Variants in JAKMIP1 observed in about 807,000 individuals in gnomAD.
JAKMIP1 encodes the protein janus kinase and microtubule interacting protein 1.
In JAKMIP1, 33 loss-of-function variants were observed where a neutral mutation model predicts 113.0. The ratio of observed to expected loss-of-function variants is 0.29; its 90% CI spans 0.22 to 0.39. The LOEUF (loss-of-function observed/expected upper bound fraction) is 0.39. Ranked by LOEUF, JAKMIP1 falls within the 10% of genes least tolerant of loss-of-function variation. The probability of loss-of-function intolerance (pLI) is 1.00; values close to 1 mark genes in which losing one functional copy is unlikely to be tolerated. For synonymous variants in JAKMIP1, 480 were observed against 459.9 expected, an observed-to-expected ratio of 1.04 and a Z score of -0.56; for missense variants, 813 against 1,080.5, an observed-to-expected ratio of 0.75 and a Z score of 3.47.
Position 6,064,018 on chromosome 4 carries a change from C to A in JAKMIP1, c.1431+862G>T, listed in dbSNP as rs1273732034. On this transcript the variant is annotated intron_variant, in intron 9 of 20. Transcript: ENST00000409021. This position sits in a 1 kb window ranked among gnomAD's most constrained non-coding sequence, Gnocchi z 4.3. ...CCAGCTGCCCCGGCATATCCGCACC[C>A]CCTTCCCACTCTTGCTCTTCCCTGG... Among the ~76,000 whole-genome samples, 1 of 152,242 alleles carries A rather than the reference C, an allele frequency of 6.6e-6. No individual in the cohort carries two copies. Among genetic ancestry groups the A allele is most frequent in the African/African-American group, 2.4e-5 (1 of 41,476 alleles).
At position 6,183,642 on chromosome 4, in the gene JAKMIP1, C is replaced by G. The variant is rs1281328397; in HGVS notation, c.-148+16611G>C. 1.3e-5 allele frequency among the ~76,000 whole-genome samples: 2 copies of G among 152,006 alleles called. No homozygotes were observed. The highest frequency in any genetic ancestry group is 2.9e-5 in the Non-Finnish European group (2 of 67,988). On this transcript the variant is annotated intron_variant, in intron 1 of 20. Coordinates refer to ENST00000409021, the MANE Select transcript of JAKMIP1 (RefSeq NM_001099433.2). The surrounding 1 kb of genome is among the most constrained non-coding windows in gnomAD (Gnocchi z 5.3). The stretch of plus-strand genomic sequence containing the variant: ...AGGGCCAGGAGTCAAAGGTCTGGAG[C>G]AACAGATGCTTGACTTCTTTTTTCT...
chr4:6,161,971 G>A (rs1723024324), intron 1 of JAKMIP1, among the ~76,000 whole-genome samples: 1 of 152,180 alleles, frequency 6.6e-6, no homozygotes, highest in Non-Finnish European at 1.5e-5. Flanking sequence ...GGAATAGGTG[G>A]GATCAAAGTT....
intron 12 of JAKMIP1, among the ~76,000 whole-genome samples, chr4:6,056,396 A>T (rs1716467348): frequency 6.6e-6 from 1 of 151,416 alleles, no homozygotes; most frequent in Non-Finnish European, 1.5e-5. Flanking sequence ...GGTTGGGGCC[A>T]GCCCTCCCCA....
chr4:6,055,635 A>T (rs116230058), intron 12 of JAKMIP1, among the ~76,000 whole-genome samples: 1,636 of 152,346 alleles, frequency 0.011, 34 homozygotes, highest in African/African-American at 0.034. Context: ...TGTCAGGAAG[A>T]TGGACCAGCC....
chr4:6,196,653 G>A (rs1365805871), intron 1 of JAKMIP1, among the ~76,000 whole-genome samples: 1 of 152,200 alleles, frequency 6.6e-6, no homozygotes, highest in East Asian at 1.9e-4. Context: ...GAGGTCAGGA[G>A]TTTGAGACCA....
chr4:6,046,546 C>T (rs1032046059), intron 16 of JAKMIP1, among the ~76,000 whole-genome samples: 1 of 151,346 alleles, frequency 6.6e-6, no homozygotes, highest in Non-Finnish European at 1.5e-5. Context: ...CCAGGCTGAC[C>T]AGCTTGGGGA....
In JAKMIP1 at chr4:6,141,309, A is replaced by G. The variant is rs1720118474; in HGVS notation, c.-147-28312T>C. ...AAATTAGCCAGGGGTGGTGGCGCGC[A>G]TCTGTAATCCCAGCTACTTGACAGG... is the stretch of plus-strand genomic sequence containing the variant. On this transcript the variant is annotated intron_variant, in intron 1 of 20. Transcript: ENST00000409021. The surrounding 1 kb of genome is among the most constrained non-coding windows in gnomAD (Gnocchi z 9.4). Among the ~76,000 whole-genome samples, 1 of 151,994 alleles carries G rather than the reference A, an allele frequency of 6.6e-6. No homozygotes were observed. The highest frequency in any genetic ancestry group is 2.4e-5 in the African/African-American group (1 of 41,334).
In JAKMIP1 at chr4:6,154,272, T is replaced by C. The variant is rs7686992; in HGVS notation, c.-147-41275A>G. 0.041 allele frequency among the ~76,000 whole-genome samples: 6,300 copies of C among 152,154 alleles called. 469 individuals are homozygous for C. Among genetic ancestry groups the C allele is most frequent in the African/African-American group, 0.14 (5,927 of 41,488 alleles). Reference sequence around the variant, plus strand: ...TGCACTGGGGAGAGTTGCTCCTATTTTAGGCCATTGAACTACTTTAATAAT... The same window carrying C: ...TGCACTGGGGAGAGTTGCTCCTATTCTAGGCCATTGAACTACTTTAATAAT... On this transcript the variant is annotated intron_variant, in intron 1 of 20. Coordinates refer to ENST00000409021, the MANE Select transcript of JAKMIP1 (RefSeq NM_001099433.2). This position sits in a 1 kb window ranked among gnomAD's most constrained non-coding sequence, Gnocchi z 4.2.
intron 16 of JAKMIP1, among the ~76,000 whole-genome samples, chr4:6,046,682 G>A (rs2108762897): frequency 6.6e-6 from 1 of 152,300 alleles, no homozygotes. Flanking sequence ...TCCCAGACAG[G>A]TTCCACCTCC....
At chr4:6,182,235 C>G (rs11946920) in intron 1 of JAKMIP1, among the ~76,000 whole-genome samples, 2,691 of 151,618 alleles carry the variant, frequency 0.018, 38 homozygotes, top group African/African-American at 0.033. Context: ...CATAATGAGA[C>G]CTCATCTCTA....
chr4:6,117,999 T>C (rs1716087668), intron 1 of JAKMIP1, among the ~76,000 whole-genome samples: 1 of 152,212 alleles, frequency 6.6e-6, no homozygotes, highest in South Asian at 2.1e-4. Context: ...AACGCAATTA[T>C]TACAGGGTCC....
In JAKMIP1 at chr4:6,143,325, C is replaced by T. The variant is rs540755642; in HGVS notation, c.-147-30328G>A. On this transcript the variant is annotated intron_variant, in intron 1 of 20. Coordinates refer to ENST00000409021, the MANE Select transcript of JAKMIP1 (RefSeq NM_001099433.2). This position sits in a 1 kb window ranked among gnomAD's most constrained non-coding sequence, Gnocchi z 4.9. ...TCCTGACTTCCTGTCTGAATCTCAGCCAATTCTGGGATCTGGGTGTGGGAA... is the reference window on the plus strand; with the variant it reads ...TCCTGACTTCCTGTCTGAATCTCAGTCAATTCTGGGATCTGGGTGTGGGAA... Among the ~76,000 whole-genome samples the T allele has an allele frequency of 1.3e-5, 2 of 152,304 alleles. No homozygotes were observed. Among genetic ancestry groups the T allele is most frequent in the East Asian group, 3.9e-4 (2 of 5,180 alleles).
rs142095893 is a variant in JAKMIP1 at position 6,174,570 on chromosome 4, G to A, written c.-148+25683C>T. Among the ~76,000 whole-genome samples the A allele has an allele frequency of 3.2e-3, 482 of 152,302 alleles. 6 individuals carry two copies. The highest frequency in any genetic ancestry group is 0.011 in the African/African-American group (459 of 41,560). The stretch of plus-strand genomic sequence containing the variant: ...CCAGGGTGCAGAAGAACAGGCCTGG[G>A]CTCGCAGCTCTCAACCTGCTGGGTC... On this transcript the variant is annotated intron_variant, in intron 1 of 20. Transcript: ENST00000409021.
In JAKMIP1 at chr4:6,189,237, A is replaced by T. The variant is rs143341818; in HGVS notation, c.-148+11016T>A. Reference sequence around the variant, plus strand: ...TTCTAACATTTTTCTGCTGCCTTAAACTAAAAGCAGGCTGCACCGTAAGGT... The same window carrying T: ...TTCTAACATTTTTCTGCTGCCTTAATCTAAAAGCAGGCTGCACCGTAAGGT... On this transcript the variant is annotated intron_variant, in intron 1 of 20. Transcript: ENST00000409021. Among the ~76,000 whole-genome samples the T allele has an allele frequency of 8.5e-5, 13 of 152,372 alleles. No homozygotes were observed. In the East Asian group the frequency reaches 2.3e-3, roughly 27 times the overall value.
In JAKMIP1 at chr4:6,049,067, A is replaced by G; in HGVS notation, c.1963-145T>C. ...TTTTGAGACGGAGTCTCTCTCTGTCACCTGGGTTTGAGTGCAGTGGTGTGA... is the reference window on the plus strand; with the variant it reads ...TTTTGAGACGGAGTCTCTCTCTGTCGCCTGGGTTTGAGTGCAGTGGTGTGA... On this transcript the variant is annotated intron_variant, in intron 15 of 20. Coordinates refer to ENST00000409021, the MANE Select transcript of JAKMIP1 (RefSeq NM_001099433.2). The surrounding 1 kb of genome is among the most constrained non-coding windows in gnomAD (Gnocchi z 7.0). 1.5e-6 allele frequency: 1 copy of G among 661,216 alleles called. No homozygotes were observed. Among genetic ancestry groups the G allele is most frequent in the Non-Finnish European group, 2.7e-6 (1 of 375,790 alleles). The allele number at this position is 661,216 out of a possible 1,614,324, so 41.0% of individuals were successfully genotyped here. A position where few individuals can be genotyped will look rare whatever the true frequency, so the allele number is the denominator to read the frequency against.
intron 1 of JAKMIP1, among the ~76,000 whole-genome samples, chr4:6,173,224 A>G (rs2109026588): frequency 1.3e-5 from 2 of 152,318 alleles, no homozygotes; most frequent in South Asian, 4.1e-4. Flanking sequence ...TCTTTTCTCT[A>G]ATTGAATAGT....
In JAKMIP1 at chr4:6,183,512, A is replaced by AATTAATTAATTAATTTT. The variant is rs1560341022; in HGVS notation, c.-148+16740_-148+16741insAAAATTAATTAATTAAT. Among the ~76,000 whole-genome samples, 3 of 151,734 alleles carry AATTAATTAATTAATTTT rather than the reference A, an allele frequency of 2.0e-5. No individual in the cohort carries two copies. Among genetic ancestry groups the AATTAATTAATTAATTTT allele is most frequent in the African/African-American group, 7.2e-5 (3 of 41,402 alleles). On this transcript the variant is annotated intron_variant, in intron 1 of 20. Coordinates refer to ENST00000409021, the MANE Select transcript of JAKMIP1 (RefSeq NM_001099433.2). The surrounding 1 kb of genome is among the most constrained non-coding windows in gnomAD (Gnocchi z 5.3). ...AATAAATAAATAAATAAATAAATTT[A>AATTAATTAATTAATTTT]AAAAAGAAAGTAAAATGGAACAGAA... is the stretch of plus-strand genomic sequence containing the variant.
chr4:6,164,970 A>C (rs1723435171), intron 1 of JAKMIP1, among the ~76,000 whole-genome samples: 1 of 152,266 alleles, frequency 6.6e-6, no homozygotes, highest in African/African-American at 2.4e-5. Context: ...AATTTAAAGT[A>C]TGATCTAAAC....
At chr4:6,066,058 C>T (rs1718034050) in intron 8 of JAKMIP1, among the ~76,000 whole-genome samples, 1 of 152,092 alleles carries the variant, frequency 6.6e-6, no homozygotes, top group South Asian at 2.1e-4. Flanking sequence ...CAATGAATGC[C>T]TTTCAGACCA....
Sources: gnomAD v4.1 joint callset for allele counts (sites outside exome capture counted in the v4.1 genomes callset) on GRCh38, gnomAD v4.1.1 for gene constraint, Gnocchi (gnomAD v3.1) non-coding constraint, MANE v1.5 for transcripts, NCBI Gene and HGNC (gene_info 2026-07-23, HGNC 2026-07-21) for gene names.